The following ZEB1 variants were observed in gnomAD, a reference collection of about 807,000 sequenced individuals.
The protein encoded by ZEB1 is zinc finger E-box-binding homeobox 1.
ZEB1 carries 21 observed loss-of-function variants against 84.9 expected under a neutral mutation model. The ratio of observed to expected loss-of-function variants is 0.25; its 90% CI spans 0.18 to 0.36. The LOEUF (loss-of-function observed/expected upper bound fraction) is 0.36, where lower values mean the gene tolerates loss of function less well. Ranked by LOEUF, ZEB1 falls within the 10% of genes least tolerant of loss-of-function variation. The pLI, the probability that ZEB1 is intolerant of heterozygous loss-of-function variation, is 1.00. For synonymous variants in ZEB1, 420 were observed against 471.1 expected (o/e 0.89, Z 1.41); for missense variants, 1,104 against 1,330.2 (o/e 0.83, Z 2.65).
At chr10:31,437,438 A>T (rs1033564696) in intron 1 of ZEB1, among the ~76,000 whole-genome samples, 1 of 152,122 alleles carries the variant, frequency 6.6e-6, no homozygotes, top group Non-Finnish European at 1.5e-5. Context: ...GTAAAACTAA[A>T]CTCTAGTTAC....
At chr10:31,471,474 A>C (rs1000190580) in intron 2 of ZEB1, among the ~76,000 whole-genome samples, 1 of 151,548 alleles carries the variant, frequency 6.6e-6, no homozygotes, top group Admixed American at 6.6e-5. Flanking sequence ...AGGCCATTAC[A>C]TAATGGTAAA....
At chr10:31,522,893 T>TA (rs1436585932) in intron 7 of ZEB1, among the ~76,000 whole-genome samples, 1 of 152,240 alleles carries the variant, frequency 6.6e-6, no homozygotes, top group Non-Finnish European at 1.5e-5. Context: ...AAAAAGTTCT[T>TA]ACGTGATCAT....
chr10:31,318,423 C>T (rs559806762), upstream of ZEB1: 1 of 152,456 alleles, frequency 6.6e-6, no homozygotes, highest in East Asian at 1.9e-4. Context: ...ACTCATTCCG[C>T]TCTACTAAGG....
At chr10:31,410,234 A>T (rs779745543) in intron 1 of ZEB1, among the ~76,000 whole-genome samples, 3 of 151,986 alleles carry the variant, frequency 2.0e-5, no homozygotes, top group African/African-American at 7.2e-5. Flanking sequence ...GTTGAATTTT[A>T]TCAAAAGCCT....
intron 1 of ZEB1, among the ~76,000 whole-genome samples, chr10:31,405,749 G>A (rs563103906): frequency 6.6e-6 from 1 of 151,552 alleles, no homozygotes; most frequent in Admixed American, 6.6e-5. Flanking sequence ...TACATCTGCA[G>A]TTTGTTACAT....
At chr10:31,522,598 C>G (rs559170290) in intron 7 of ZEB1, among the ~76,000 whole-genome samples, 8 of 152,262 alleles carry the variant, frequency 5.3e-5, no homozygotes, top group African/African-American at 1.9e-4. Flanking sequence ...CCAGGAAGAA[C>G]CCTTGAACTG....
In ZEB1 at chr10:31,520,216, G is replaced by A. The variant is rs370663355; in HGVS notation, c.884G>A (p.Ser295Asn). 5.6e-6 allele frequency: 9 copies of A among 1,613,836 alleles called. No homozygotes were observed. The highest frequency in any genetic ancestry group is 6.8e-6 in the Non-Finnish European group (8 of 1,179,918). ...CACATAAGCAGTAAGAAATGTATCA[G>A]CTTGATACCTGTGAATGGGCGACCA... ...SSHISSKKCI[S>N]LIPVNGRPRT... Residue 295 changes from serine to asparagine, a missense_variant, in exon 7 of 9, where the codon AGC becomes AAC. This residue lies in a region of ZEB1 where 111 missense variants were observed against 161.8 expected (regional missense o/e 0.69). Transcript: ENST00000424869. This position sits in a 1 kb window ranked among gnomAD's most constrained non-coding sequence, Gnocchi z 5.1.
intron 7 of ZEB1, 76 bp from the exon 8 acceptor site, chr10:31,523,857 A>G: frequency 5.3e-6 from 8 of 1,511,090 alleles, no homozygotes; most frequent in Admixed American, 1.7e-5. Flanking sequence ...GTAGTTCTTT[A>G]TCTCATGCTT....
At chr10:31,474,461 T>G (rs1389046913) in intron 2 of ZEB1, among the ~76,000 whole-genome samples, 3 of 151,876 alleles carry the variant, frequency 2.0e-5, no homozygotes. Context: ...CATGAAAAAA[T>G]GCTCATCATC....
At chr10:31,467,669 C>G (rs1241584458) in intron 2 of ZEB1, among the ~76,000 whole-genome samples, 3 of 152,198 alleles carry the variant, frequency 2.0e-5, no homozygotes, top group Non-Finnish European at 4.4e-5. Flanking sequence ...TTTGCCAGGA[C>G]TCAAGCATAC....
Position 31,461,172 on chromosome 10 carries a change from A to G in ZEB1, c.194A>G (p.Gln65Arg). 3.1e-6 allele frequency: 5 copies of G among 1,613,592 alleles called. No individual in the cohort carries two copies. The highest frequency in any genetic ancestry group is 4.2e-6 in the Non-Finnish European group (5 of 1,179,728). ...GVPEDDLPTD[Q>R]TVLPGRSSER... ...CCAGAGGATGACCTGCCAACAGACCAGACAGTGTTACCAGGGAGGAGCAGT... is the reference window on the plus strand; with the variant it reads ...CCAGAGGATGACCTGCCAACAGACCGGACAGTGTTACCAGGGAGGAGCAGT... Residue 65 changes from glutamine (Q) to arginine (R), a missense_variant, in exon 2 of 9, where the codon CAG becomes CGG. By Grantham distance (43) the Gln-to-Arg change is conservative. Around this residue, in one of 7 missense-constraint regions of ZEB1, gnomAD observed 162 missense variants for 184.5 expected, o/e 0.88. Coordinates refer to ENST00000424869, the MANE Select transcript of ZEB1 (RefSeq NM_001174096.2).
chr10:31,354,713 C>T (rs2041854115), intron 1 of ZEB1, among the ~76,000 whole-genome samples: 1 of 152,090 alleles, frequency 6.6e-6, no homozygotes, highest in African/African-American at 2.4e-5. Context: ...CTTTAACAGC[C>T]AGATATTTGG....
At chr10:31,357,770 A>G (rs1285878613) in intron 1 of ZEB1, among the ~76,000 whole-genome samples, 5 of 152,168 alleles carry the variant, frequency 3.3e-5, no homozygotes, top group Non-Finnish European at 7.4e-5. Flanking sequence ...TGGTTAGCTC[A>G]CATAAGAAAA....
chr10:31,342,945 G>A (rs990578428), intron 1 of ZEB1, among the ~76,000 whole-genome samples: 2 of 152,200 alleles, frequency 1.3e-5, no homozygotes, highest in South Asian at 4.1e-4. Context: ...TTTTTATATA[G>A]TAGTAGAACA....
At chr10:31,382,006 C>CAAAAA (rs535534850) in intron 1 of ZEB1, among the ~76,000 whole-genome samples, 13 of 40,764 alleles carry the variant, frequency 3.2e-4, no homozygotes, top group Non-Finnish European at 8.6e-4. Context: ...GAGACTGTCT[C>CAAAAA]AAAAAAAAAA....
intron 1 of ZEB1, among the ~76,000 whole-genome samples, chr10:31,397,103 C>T (rs2050885637): frequency 6.7e-6 from 1 of 148,216 alleles, no homozygotes; most frequent in African/African-American, 2.5e-5. Context: ...GCAACCTCCA[C>T]CTCCCGGGTT....
At chr10:31,512,347 T>C (rs1392687341) in intron 5 of ZEB1, among the ~76,000 whole-genome samples, 2 of 152,128 alleles carry the variant, frequency 1.3e-5, no homozygotes, top group Non-Finnish European at 2.9e-5. Context: ...TGAAAACCAA[T>C]TCTATGATGA....
chr10:31,363,436 C>T (rs543772001), intron 1 of ZEB1: 3 of 1,534,326 alleles, frequency 2.0e-6, no homozygotes, highest in Non-Finnish European at 2.6e-6. Context: ...CTCCAAGGGC[C>T]TGGGATTGTA....
At chr10:31,421,929 T>TCC (rs576129319) in intron 1 of ZEB1, among the ~76,000 whole-genome samples, 1 of 151,812 alleles carries the variant, frequency 6.6e-6, no homozygotes, top group Non-Finnish European at 1.5e-5. Flanking sequence ...ATCACAGTAT[T>TCC]CCCCCCCTCC....
Sources: gnomAD v4.1 joint callset for allele counts (sites outside exome capture counted in the v4.1 genomes callset) on GRCh38, gnomAD v4.1.1 for gene constraint, gnomAD v4.1.1 regional missense constraint, Gnocchi (gnomAD v3.1) non-coding constraint, MANE v1.5 for transcripts, NCBI Gene and HGNC (gene_info 2026-07-23, HGNC 2026-07-21) for gene names.